TNNT1: variants seen among roughly 807,000 people sequenced by gnomAD.
The protein encoded by TNNT1 is troponin T, slow skeletal muscle.
In TNNT1, 53 loss-of-function variants were observed where a neutral mutation model predicts 50.6. The ratio of observed to expected loss-of-function variants is 1.05; its 90% CI spans 0.84 to 1.32. The LOEUF (loss-of-function observed/expected upper bound fraction) is 1.32, where lower values mean the gene tolerates loss of function less well. TNNT1 is among the 40% of genes most tolerant of loss of function. The pLI is 0.00. For missense variants in TNNT1, 348 were observed against 381.7 expected, an observed-to-expected ratio of 0.91 and a Z score of 0.74; for synonymous variants, 142 against 138.0, an observed-to-expected ratio of 1.03 and a Z score of -0.20.
intron 6 of TNNT1, among the ~76,000 whole-genome samples, chr19:55,143,236 G>C (rs796993342): frequency 2.0e-4 from 30 of 151,892 alleles, no homozygotes; most frequent in African/African-American, 7.2e-4. Context: ...CTGAGCTCAA[G>C]TGATCCTCCC....
At chr19:55,145,909 G>T (rs1365113989) in intron 5 of TNNT1, among the ~76,000 whole-genome samples, 1 of 151,508 alleles carries the variant, frequency 6.6e-6, no homozygotes, top group East Asian at 1.9e-4. Flanking sequence ...GGACCCAGCA[G>T]TGCAGGGGGT....
rs1156410888 is a variant in TNNT1, at chr19:55,137,214, T to C, written c.502-2A>G. The C allele has an allele frequency of 6.2e-7, 1 of 1,610,086 alleles. No homozygotes were observed. Among genetic ancestry groups the C allele is most frequent in the African/African-American group, 1.3e-5 (1 of 74,748 alleles). On this transcript the variant is annotated splice_acceptor_variant, in intron 10 of 13. Transcript: ENST00000588981. LOFTEE classifies it high-confidence loss of function. The stretch of plus-strand genomic sequence containing the variant: ...CCGCTTACCACGCTTCTGTTCTGCC[T>C]GAGGGTGGGGGAGGCGGAACAGTAA...
In TNNT1 at chr19:55,145,536, G is replaced by A. The variant is rs745803583; in HGVS notation, c.128+8C>T. 1.9e-6 allele frequency: 3 copies of A among 1,613,744 alleles called. No individual in the cohort carries two copies. The highest frequency in any genetic ancestry group is 2.5e-6 in the Non-Finnish European group (3 of 1,179,756). Reference sequence around the variant, plus strand: ...ATGACTGGGGCCCCCCACCCTGTAGGATCTCACCTTGGTTTGGGGCGTTCC... The same window carrying A: ...ATGACTGGGGCCCCCCACCCTGTAGAATCTCACCTTGGTTTGGGGCGTTCC... On this transcript the variant is annotated splice_region_variant and intron_variant, in intron 6 of 13. Transcript: ENST00000588981.
At position 55,137,069 on chromosome 19, in the gene TNNT1, G is replaced by A. The variant is rs768284093; in HGVS notation, c.611+34C>T. ...CCTTTATCCCCCTGTCTCACACCCA[G>A]GCCCCTACACCCCGAGCCCCCCACA... is the stretch of plus-strand genomic sequence containing the variant. On this transcript the variant is annotated intron_variant, in intron 11 of 13. Transcript: ENST00000588981. The A allele has an allele frequency of 3.8e-6, 5 of 1,329,834 alleles. No homozygotes were observed. In the African/African-American group the frequency reaches 4.3e-5, roughly 12 times the overall value. The allele number at this position is 1,329,834 out of a possible 1,614,324, so 82.4% of individuals were successfully genotyped here. A position where few individuals can be genotyped will look rare whatever the true frequency, so the allele number is the denominator to read the frequency against.
chr19:55,146,380 G>A (rs1360088250), intron 5 of TNNT1, 54 bp downstream of exon 5: 12 of 1,319,790 alleles, frequency 9.1e-6, no homozygotes, highest in East Asian at 3.0e-5. Context: ...AGGATATCGG[G>A]GGTCCCCCCG....
chr19:55,147,644 G>T (rs1349949790), intron 1 of TNNT1, among the ~76,000 whole-genome samples: 2 of 139,694 alleles, frequency 1.4e-5, no homozygotes, highest in Non-Finnish European at 3.1e-5. Flanking sequence ...GAGATGGGTT[G>T]TCCTGGACAC....
chr19:55,137,241 C>T, intron 10 of TNNT1, 29 bp from the exon 11 acceptor site: 1 of 1,504,836 alleles, frequency 6.6e-7, no homozygotes, highest in Non-Finnish European at 9.2e-7. Flanking sequence ...GAACAGTAAA[C>T]TGGGGGCCAC....
Position 55,141,052 on chromosome 19 carries a change from C to G in TNNT1, c.310-92G>C, listed in dbSNP as rs924112396. On this transcript the variant is annotated intron_variant, in intron 8 of 13. Transcript: ENST00000588981. Reference sequence around the variant, plus strand: ...TAATAAACAGATTGGAGTGTGGCCACCGACTTGGGTGAATTCGCGAAAGCC... The same window carrying G: ...TAATAAACAGATTGGAGTGTGGCCAGCGACTTGGGTGAATTCGCGAAAGCC... 1.9e-6 allele frequency: 3 copies of G among 1,542,908 alleles called. No homozygotes were observed. The African/African-American group carries it at 4.1e-5, about 21-fold the overall frequency.
chr19:55,147,675 G>GGC (rs2085598622), intron 1 of TNNT1, among the ~76,000 whole-genome samples: 1 of 95,642 alleles, frequency 1.0e-5, no homozygotes, highest in African/African-American at 5.1e-5. Flanking sequence ...GGGAGGAGGG[G>GGC]CTGGGGTCTG....
intron 7 of TNNT1, among the ~76,000 whole-genome samples, chr19:55,141,551 T>G (rs1414579158): frequency 1.3e-5 from 2 of 149,276 alleles, no homozygotes; most frequent in African/African-American, 5.0e-5. Context: ...TGGCGCGATC[T>G]CGGCTCACCG....
In TNNT1 at chr19:55,146,950, C is replaced by G. The variant is rs538509838; in HGVS notation, c.46+58G>C. On this transcript the variant is annotated intron_variant, in intron 3 of 13. Transcript: ENST00000588981. The stretch of plus-strand genomic sequence containing the variant: ...CAAAGTGCCACACTCCTCGCCTCCC[C>G]TCCCAAGAGCTCCTGGGCGTGTCCC... 2.6e-6 allele frequency: 4 copies of G among 1,538,674 alleles called. No homozygotes were observed. The South Asian group carries it at 5.0e-5, about 19-fold the overall frequency.
Position 55,145,531 on chromosome 19 carries a change from T to C in TNNT1, c.128+13A>G. 2 of 1,612,738 alleles carry C rather than the reference T, an allele frequency of 1.2e-6. No homozygotes were observed. Among genetic ancestry groups the C allele is most frequent in the Non-Finnish European group, 1.7e-6 (2 of 1,179,346 alleles). ...GATGTATGACTGGGGCCCCCCACCC[T>C]GTAGGATCTCACCTTGGTTTGGGGC... On this transcript the variant is annotated intron_variant, in intron 6 of 13. Transcript: ENST00000588981.
At chr19:55,143,375 C>T (rs1024310909) in intron 6 of TNNT1, among the ~76,000 whole-genome samples, 1 of 152,126 alleles carries the variant, frequency 6.6e-6, no homozygotes, top group Non-Finnish European at 1.5e-5. Flanking sequence ...GAGGCTCAGC[C>T]CTCAGCCTGC....
intron 9 of TNNT1, among the ~76,000 whole-genome samples, chr19:55,138,844 G>A (rs1159168448): frequency 6.6e-6 from 1 of 152,206 alleles, no homozygotes; most frequent in Non-Finnish European, 1.5e-5. Context: ...TGAGCCTGAG[G>A]AAGGGGTTCT....
rs995310299 is a variant in TNNT1 at position 55,140,874 on chromosome 19, G to A, written c.387+9C>T. On this transcript the variant is annotated intron_variant, in intron 9 of 13. Transcript: ENST00000588981. ...ACATTTGGGCTCTCAGGGCAGGGGAGGCACCCACCGCCAGCTTAGCCTGAC... is the reference window on the plus strand; with the variant it reads ...ACATTTGGGCTCTCAGGGCAGGGGAAGCACCCACCGCCAGCTTAGCCTGAC... The A allele has an allele frequency of 6.2e-7, 1 of 1,612,712 alleles. No homozygotes were observed. The highest frequency in any genetic ancestry group is 8.5e-7 in the Non-Finnish European group (1 of 1,179,558).
chr19:55,136,356 G>C (rs1158218271), intron 11 of TNNT1, among the ~76,000 whole-genome samples: 2 of 152,102 alleles, frequency 1.3e-5, no homozygotes, highest in Non-Finnish European at 2.9e-5. Flanking sequence ...CAAAGTGCTG[G>C]AATTACAGGC....
In TNNT1 at chr19:55,147,113, G is replaced by A; in HGVS notation, c.32+13C>T. ...CCACTGCACGCCCCAACCCCTCCCA[G>A]TGCAGCACTCACTCCTCATATTCCT... On this transcript the variant is annotated intron_variant, in intron 2 of 13. Transcript: ENST00000588981. 6.2e-7 allele frequency: 1 copy of A among 1,613,874 alleles called. No individual in the cohort carries two copies. The highest frequency in any genetic ancestry group is 8.5e-7 in the Non-Finnish European group (1 of 1,179,912).
intron 11 of TNNT1, among the ~76,000 whole-genome samples, chr19:55,135,346 T>C (rs529341306): frequency 1.3e-5 from 2 of 152,058 alleles, no homozygotes; most frequent in Non-Finnish European, 2.9e-5. Context: ...TTTTGTAGAA[T>C]TGCCATACCA....
intron 13 of TNNT1, among the ~76,000 whole-genome samples, chr19:55,133,237 TG>T (rs1176464414): frequency 3.4e-5 from 3 of 87,508 alleles, no homozygotes; most frequent in East Asian, 2.6e-4. Context: ...GGGGCCAGGG[TG>T]GGGGGAGGAA....
Sources: allele counts gnomAD v4.1 joint callset (sites outside exome capture counted in the v4.1 genomes callset), GRCh38; gene constraint gnomAD v4.1.1; transcripts MANE v1.5; gene names NCBI Gene and HGNC (gene_info 2026-07-23, HGNC 2026-07-21).